Variants in NBAS observed in about 807,000 individuals in gnomAD.
The protein encoded by NBAS is NBAS subunit of NRZ tethering complex.
A neutral mutation model predicts 302.5 loss-of-function variants in NBAS; 219 were observed. That is an observed-to-expected ratio of 0.72 (90% CI 0.65 to 0.81). NBAS has a LOEUF of 0.81. Among genes scored for constraint, NBAS ranks in the 30% least tolerant of loss-of-function variants. The pLI is 0.00. For synonymous variants in NBAS, 1,118 were observed against 1,021.6 expected (o/e 1.09, Z -1.80); for missense variants, 2,932 against 2,841.6 (o/e 1.03, Z -0.72).
At chr2:15,098,842 G>C in the NBAS span, among the ~76,000 whole-genome samples, 1 of 150,060 alleles carries the variant, frequency 6.7e-6, no homozygotes, top group African/African-American at 2.5e-5. Context: ...TATTGTCTGT[G>C]GCTGCTCTCG....
the NBAS span, among the ~76,000 whole-genome samples, chr2:14,928,832 C>T: frequency 4.6e-5 from 7 of 152,168 alleles, no homozygotes; most frequent in Non-Finnish European, 1.0e-4. Context: ...CCCACAGTCC[C>T]CACGCTCTGA....
chr2:15,375,958 A>C (rs1258777202), intron 30 of NBAS, among the ~76,000 whole-genome samples: 1 of 152,150 alleles, frequency 6.6e-6, no homozygotes, highest in African/African-American at 2.4e-5. Flanking sequence ...AATAGTAAGA[A>C]TTTATTCATG....
the NBAS span, among the ~76,000 whole-genome samples, chr2:14,903,992 A>T: frequency 6.6e-6 from 1 of 152,144 alleles, no homozygotes; most frequent in Non-Finnish European, 1.5e-5. Flanking sequence ...TCCATAGGCT[A>T]CCCCATTAGG....
the NBAS span, among the ~76,000 whole-genome samples, chr2:14,880,181 T>C: frequency 6.6e-6 from 1 of 152,116 alleles, no homozygotes; most frequent in African/African-American, 2.4e-5. Context: ...AAGGAGCCCT[T>C]GAACAAAGAA....
At chr2:15,174,284 C>T (rs560336813) in intron 51 of NBAS, among the ~76,000 whole-genome samples, 7 of 152,302 alleles carry the variant, frequency 4.6e-5, no homozygotes, top group Admixed American at 6.5e-5. Context: ...TGGACACTGG[C>T]CACTGTAAAT....
chr2:15,043,448 CCCATCCATAT>C, the NBAS span, among the ~76,000 whole-genome samples: 1 of 152,158 alleles, frequency 6.6e-6, no homozygotes, highest in South Asian at 2.1e-4. Context: ...CTGCTAAAAG[CCCATCCATAT>C]CCATCCATGA....
intron 24 of NBAS, 65 bp downstream of exon 24, chr2:15,417,462 A>G: frequency 7.4e-7 from 1 of 1,358,728 alleles, no homozygotes; most frequent in Non-Finnish European, 1.0e-6. Context: ...TTTGAGACAC[A>G]TATGTATCAA....
At chr2:15,535,337 T>C (rs1010110580) in intron 8 of NBAS, among the ~76,000 whole-genome samples, 1 of 151,888 alleles carries the variant, frequency 6.6e-6, no homozygotes, top group African/African-American at 2.4e-5. Context: ...CTGACTAACA[T>C]GATGAAACCC....
intron 51 of NBAS, among the ~76,000 whole-genome samples, chr2:15,168,597 G>A (rs1664144106): frequency 6.6e-6 from 1 of 152,144 alleles, no homozygotes; most frequent in South Asian, 2.1e-4. Flanking sequence ...CCTGAGATCT[G>A]CCTCTTCATG....
At chr2:14,844,275 C>A in the NBAS span, among the ~76,000 whole-genome samples, 1 of 152,214 alleles carries the variant, frequency 6.6e-6, no homozygotes, top group African/African-American at 2.4e-5. Flanking sequence ...CCGTAGCTCC[C>A]AGACAAAATT....
chr2:15,253,851 C>T (rs1484767809), intron 44 of NBAS, among the ~76,000 whole-genome samples: 1 of 152,164 alleles, frequency 6.6e-6, no homozygotes, highest in Non-Finnish European at 1.5e-5. Flanking sequence ...AAAATTATGG[C>T]AGTGGGGGAG....
chr2:14,904,258 C>G, the NBAS span, among the ~76,000 whole-genome samples: 2 of 152,142 alleles, frequency 1.3e-5, no homozygotes, highest in Non-Finnish European at 2.9e-5. Context: ...CATCTGCAAG[C>G]TGGGGAAGAA....
At position 15,234,672 on chromosome 2, in the gene NBAS, C is replaced by A. The variant is rs1174168056; in HGVS notation, c.6019G>T (p.Ala2007Ser). The change falls in exon 46 of 52, where the codon GCT (alanine) becomes TCT (serine). Residue 2007 changes from alanine to serine, a missense_variant. Transcript: ENST00000281513. ...AGAGGCTGACCATCTAAACAAATAG[C>A]CACAGCTTCATCATGAAGTTTCTCT... The part of the protein sequence containing the change: ...EKEKLHDEAV[A>S]ICLDGQPLAM... 1.2e-6 allele frequency: 2 copies of A among 1,614,138 alleles called. No individual in the cohort carries two copies. Among genetic ancestry groups the A allele is most frequent in the Admixed American group, 3.3e-5 (2 of 60,016 alleles).
At chr2:15,426,700 T>C (rs1056845517) in intron 22 of NBAS, among the ~76,000 whole-genome samples, 85 of 152,352 alleles carry the variant, frequency 5.6e-4, no homozygotes, top group Non-Finnish European at 9.0e-4. Flanking sequence ...TTTTTAAAGT[T>C]TTCGTTGTGT....
At chr2:15,013,522 T>C in the NBAS span, among the ~76,000 whole-genome samples, 2 of 152,196 alleles carry the variant, frequency 1.3e-5, no homozygotes, top group Admixed American at 6.5e-5. Flanking sequence ...TGGTGGTTCA[T>C]GCCTGTAATC....
chr2:15,026,034 C>T, the NBAS span, among the ~76,000 whole-genome samples: 1 of 152,004 alleles, frequency 6.6e-6, no homozygotes, highest in Admixed American at 6.6e-5. Flanking sequence ...ACATCCCTGT[C>T]TTGTGCCAGT....
At chr2:14,912,703 TAAAAAAAAAAAAAAAAA>T in the NBAS span, among the ~76,000 whole-genome samples, 166 of 78,578 alleles carry the variant, frequency 2.1e-3, no homozygotes, top group South Asian at 4.1e-3. Context: ...CATTCATTTT[TAAAAAAAAAAAAAAAAA>T]AAAAAAAAGG....
At chr2:14,909,212 C>T in the NBAS span, among the ~76,000 whole-genome samples, 3 of 150,454 alleles carry the variant, frequency 2.0e-5, no homozygotes, top group East Asian at 2.0e-4. Context: ...CCCAGCTACT[C>T]GTGAGGCTGA....
chr2:15,291,191 T>C (rs2148108400), intron 41 of NBAS, among the ~76,000 whole-genome samples: 1 of 152,350 alleles, frequency 6.6e-6, no homozygotes, highest in Non-Finnish European at 1.5e-5. Context: ...CCTGTGGTGC[T>C]GTGGTGAAGA....
Sources: gnomAD v4.1 joint callset for allele counts (sites outside exome capture counted in the v4.1 genomes callset) on GRCh38, gnomAD v4.1.1 for gene constraint, MANE v1.5 for transcripts, NCBI Gene and HGNC (gene_info 2026-07-23, HGNC 2026-07-21) for gene names.